Variants in SLC39A11 observed in about 807,000 individuals in gnomAD.
SLC39A11 encodes solute carrier family 39 member 11.
Under a neutral mutation model 36.1 loss-of-function variants are expected in SLC39A11, and 33 were observed. The observed-to-expected ratio is 0.91, with a 90% confidence interval of 0.69 to 1.22. SLC39A11 has a LOEUF of 1.22. Ranked by LOEUF, SLC39A11 falls within the 50% of genes most tolerant of loss-of-function variation. The pLI, the probability that SLC39A11 is intolerant of heterozygous loss-of-function variation, is 0.00. For synonymous variants in SLC39A11, 166 were observed against 170.3 expected (o/e 0.97, Z 0.20); for missense variants, 432 against 430.3 (o/e 1.00, Z -0.03).
At chr17:72,842,429 G>A (rs73356725) in intron 6 of SLC39A11, among the ~76,000 whole-genome samples, 1,778 of 152,216 alleles carry the variant, frequency 0.012, 29 homozygotes, top group African/African-American at 0.037. Context: ...ATAACCCCTA[G>A]AATCTCTTTA....
rs1271434359 is a variant in SLC39A11, at chr17:72,861,782, A to ATATATATATC, written c.431-11979_431-11978insGATATATATA. Reference sequence around the variant, plus strand: ...TATATATATATATATATATATATATATCCAATGCTATTTCATTAAGCCATT... The same window carrying ATATATATATC: ...TATATATATATATATATATATATATATATATATATCTCCAATGCTATTTCATTAAGCCATT... On this transcript the variant is annotated intron_variant, in intron 5 of 9. Transcript: ENST00000255559. Among the ~76,000 whole-genome samples, 27 of 91,472 alleles carry ATATATATATC rather than the reference A, an allele frequency of 3.0e-4. 1 individual carries two copies. The highest frequency in any genetic ancestry group is 4.2e-4 in the Non-Finnish European group (19 of 44,720). 60.0% of individuals were successfully genotyped at this position (91,472 alleles called of 152,430 possible).
intron 3 of SLC39A11, chr17:73,067,917 T>C (rs888331280): frequency 1.9e-6 from 3 of 1,607,312 alleles, no homozygotes; most frequent in South Asian, 1.1e-5. Context: ...TTACCATCAC[T>C]GCCAAAACAC....
chr17:72,713,298 A>G (rs1462657110), intron 7 of SLC39A11, among the ~76,000 whole-genome samples: 1 of 152,146 alleles, frequency 6.6e-6, no homozygotes, highest in African/African-American at 2.4e-5. Flanking sequence ...AGCACAGGTG[A>G]GCAGCAGCAT....
chr17:73,062,475 A>AAAAAAAAAAAAAAAAAACAAAAC lies in SLC39A11; in HGVS notation c.147+22332_147+22333insGTTTTGTTTTTTTTTTTTTTTTT, dbSNP rs56021607. Among the ~76,000 whole-genome samples, 16 of 87,046 alleles carry AAAAAAAAAAAAAAAAAACAAAAC rather than the reference A, an allele frequency of 1.8e-4. 2 individuals are homozygous for AAAAAAAAAAAAAAAAAACAAAAC. Among genetic ancestry groups the AAAAAAAAAAAAAAAAAACAAAAC allele is most frequent in the African/African-American group, 5.9e-4 (13 of 21,922 alleles). 57.1% of individuals were successfully genotyped at this position (87,046 alleles called of 152,430 possible). A position where few individuals can be genotyped will look rare whatever the true frequency, so the allele number is the denominator to read the frequency against. ...AGAGCTTGTCTCAAAAAAAAAAAAAAAAACTTTAGGTGATACACTTCTGCT... is the reference window on the plus strand; with the variant it reads ...AGAGCTTGTCTCAAAAAAAAAAAAAAAAAAAAAAAAAAAAAAACAAAACAAACTTTAGGTGATACACTTCTGCT... On this transcript the variant is annotated intron_variant, in intron 3 of 9. Coordinates refer to ENST00000255559, the MANE Select transcript of SLC39A11 (RefSeq NM_139177.4).
At chr17:73,001,248 T>G (rs1359884661) in intron 4 of SLC39A11, among the ~76,000 whole-genome samples, 1 of 112,044 alleles carries the variant, frequency 8.9e-6, no homozygotes, top group Admixed American at 8.7e-5. Flanking sequence ...TAGCTAACAA[T>G]TTTATTCCAG....
chr17:73,051,424 C>T (rs938177779), intron 3 of SLC39A11, among the ~76,000 whole-genome samples: 2 of 152,036 alleles, frequency 1.3e-5, no homozygotes, highest in Admixed American at 1.3e-4. Context: ...CATTTTCCAA[C>T]CCAAGGCAGA....
At chr17:72,988,302 C>T (rs1397298611) in intron 4 of SLC39A11, among the ~76,000 whole-genome samples, 2 of 152,158 alleles carry the variant, frequency 1.3e-5, no homozygotes, top group African/African-American at 2.4e-5. Context: ...AAAACACACA[C>T]ACACACAAAT....
At chr17:72,728,748 C>T (rs1423804393) in intron 7 of SLC39A11, among the ~76,000 whole-genome samples, 9 of 152,158 alleles carry the variant, frequency 5.9e-5, no homozygotes, top group East Asian at 1.9e-4. Flanking sequence ...GCTTGGTGCA[C>T]GTGTACCCTG....
intron 7 of SLC39A11, among the ~76,000 whole-genome samples, chr17:72,710,767 A>G (rs1005982044): frequency 6.6e-6 from 1 of 152,180 alleles, no homozygotes; most frequent in Non-Finnish European, 1.5e-5. Context: ...TTTTAGTTGA[A>G]TGAGAATTTG....
rs185428191 is a variant in SLC39A11, at chr17:72,753,864, T to C, written c.602-17145A>G. ...GATCCAGCAATCCCACTACTGGATATCTACCCATAGGAAAAGTCATTATAC... is the reference window on the plus strand; with the variant it reads ...GATCCAGCAATCCCACTACTGGATACCTACCCATAGGAAAAGTCATTATAC... On this transcript the variant is annotated intron_variant, in intron 6 of 9. Coordinates refer to ENST00000255559, the MANE Select transcript of SLC39A11 (RefSeq NM_139177.4). 3.0e-4 allele frequency among the ~76,000 whole-genome samples: 37 copies of C among 125,308 alleles called. 1 individual carries two copies. Among genetic ancestry groups the C allele is most frequent in the African/African-American group, 1.2e-3 (35 of 30,306 alleles). The allele number at this position is 125,308 out of a possible 152,430, so 82.2% of individuals were successfully genotyped here.
intron 3 of SLC39A11, among the ~76,000 whole-genome samples, chr17:73,039,822 C>T (rs1018268823): frequency 1.3e-5 from 2 of 152,114 alleles, no homozygotes; most frequent in Non-Finnish European, 2.9e-5. Context: ...ATCTAAAAAC[C>T]TCACTTAACA....
intron 7 of SLC39A11, among the ~76,000 whole-genome samples, chr17:72,725,305 C>T (rs1307306943): frequency 6.6e-6 from 1 of 152,092 alleles, no homozygotes; most frequent in East Asian, 1.9e-4. Flanking sequence ...CTTTAATTGG[C>T]CCATTTCACA....
intron 6 of SLC39A11, among the ~76,000 whole-genome samples, chr17:72,824,963 A>G (rs373418106): frequency 1.3e-5 from 2 of 151,454 alleles, no homozygotes; most frequent in African/African-American, 4.8e-5. Context: ...TTGCAGCCTG[A>G]CCATGCAGTA....
At chr17:72,913,091 G>T (rs35942282) in intron 5 of SLC39A11, among the ~76,000 whole-genome samples, 20,920 of 152,026 alleles carry the variant, frequency 0.14, 1,727 homozygotes, top group Middle Eastern at 0.22. Context: ...AATGCCAAAT[G>T]TCCAGAATAT....
At chr17:72,912,054 T>A (rs535310144) in intron 5 of SLC39A11, among the ~76,000 whole-genome samples, 12 of 152,252 alleles carry the variant, frequency 7.9e-5, no homozygotes, top group African/African-American at 2.9e-4. Context: ...CTGGTGGGCA[T>A]TGGTGCTGCA....
intron 4 of SLC39A11, among the ~76,000 whole-genome samples, chr17:72,998,960 G>A (rs115719912): frequency 0.033 from 5,031 of 152,286 alleles, 292 homozygotes; most frequent in African/African-American, 0.11. Context: ...ACTTTAATGT[G>A]GTGAGAGTGA....
intron 4 of SLC39A11, among the ~76,000 whole-genome samples, chr17:73,001,697 G>A (rs1398674551): frequency 6.6e-6 from 1 of 152,144 alleles, no homozygotes; most frequent in Admixed American, 6.5e-5. Context: ...CAGAGGCCAT[G>A]GAATGAGTTC....
intron 6 of SLC39A11, among the ~76,000 whole-genome samples, chr17:72,814,728 G>A (rs909340113): frequency 6.6e-6 from 1 of 152,086 alleles, no homozygotes. Context: ...TGTGCAGAGA[G>A]GATCACCTGG....
chr17:72,717,000 C>T (rs868837071), intron 7 of SLC39A11, among the ~76,000 whole-genome samples: 2,756 of 142,374 alleles, frequency 0.019, 61 homozygotes, highest in African/African-American at 0.054. Flanking sequence ...TATACACACA[C>T]ACACACACAC....
Sources: allele counts gnomAD v4.1 joint callset (sites outside exome capture counted in the v4.1 genomes callset), GRCh38; gene constraint gnomAD v4.1.1; transcripts MANE v1.5; gene names NCBI Gene and HGNC (gene_info 2026-07-23, HGNC 2026-07-21).